MIS18A: variants seen among roughly 807,000 people sequenced by gnomAD.
MIS18A encodes MIS18 kinetochore protein A, also known as protein Mis18-alpha.
A neutral mutation model predicts 25.0 loss-of-function variants in MIS18A; 14 were observed. The observed-to-expected ratio is 0.56, with a 90% CI of 0.37 to 0.88. MIS18A has a LOEUF of 0.88. Among genes scored for constraint, MIS18A ranks in the 40% least tolerant of loss-of-function variants. MIS18A has a pLI of 0.00. For missense variants in MIS18A, 292 were observed against 290.8 expected, an observed-to-expected ratio of 1.00 and a Z score of -0.03; for synonymous variants, 134 against 118.6, an observed-to-expected ratio of 1.13 and a Z score of -0.84.
the MIS18A span, among the ~76,000 whole-genome samples, chr21:32,254,242 A>G: frequency 5.4e-5 from 8 of 149,358 alleles, no homozygotes; most frequent in East Asian, 1.2e-3. Flanking sequence ...CGACCCCAGA[A>G]AAAGTAAATT....
At chr21:32,275,660 A>G (rs1207947841) in intron 1 of MIS18A, among the ~76,000 whole-genome samples, 1 of 152,202 alleles carries the variant, frequency 6.6e-6, no homozygotes, top group Admixed American at 6.5e-5. Context: ...AAAATGGCCA[A>G]AACAGACTCT....
chr21:32,174,173 C>T, the MIS18A span, among the ~76,000 whole-genome samples: 6 of 151,840 alleles, frequency 4.0e-5, 1 homozygote, highest in South Asian at 1.0e-3. Flanking sequence ...CCATGTTGGT[C>T]GGGCTCATCT....
At chr21:32,211,099 G>A in the MIS18A span, among the ~76,000 whole-genome samples, 1 of 152,170 alleles carries the variant, frequency 6.6e-6, no homozygotes, top group African/African-American at 2.4e-5. Context: ...GGAGGGCAGT[G>A]GCGCGACATG....
the MIS18A span, among the ~76,000 whole-genome samples, chr21:32,222,642 T>C: frequency 0.017 from 2,635 of 152,162 alleles, 35 homozygotes; most frequent in Non-Finnish European, 0.023. Context: ...AGAAACTCAC[T>C]CAAAACCAGC....
At chr21:32,170,256 A>C in the MIS18A span, among the ~76,000 whole-genome samples, 1 of 152,270 alleles carries the variant, frequency 6.6e-6, no homozygotes, top group East Asian at 1.9e-4. Context: ...ACATGGAATC[A>C]ACCTAGGTGC....
Position 32,278,997 on chromosome 21 carries a change from T to A in MIS18A, c.18A>T (p.Ser6=), listed in dbSNP as rs776884417. Reference sequence around the variant, plus strand: ...CAGCGCATCCTCTGCTACACCTCAGTGACCGAACGCCTGCCATTACCTACA... The same window carrying A: ...CAGCGCATCCTCTGCTACACCTCAGAGACCGAACGCCTGCCATTACCTACA... MAGVR[S]LRCSRGCAGG... is the part of the protein sequence containing the mutation. The change falls in exon 1 of 5, where the codon TCA becomes TCT. Residue 6 remains serine, a synonymous_variant. Transcript: ENST00000290130. The A allele has an allele frequency of 6.2e-7, 1 of 1,601,306 alleles. No homozygotes were observed. The highest frequency in any genetic ancestry group is 1.1e-5 in the South Asian group (1 of 90,926).
At chr21:32,190,607 A>G in the MIS18A span, among the ~76,000 whole-genome samples, 3 of 152,192 alleles carry the variant, frequency 2.0e-5, no homozygotes, top group Non-Finnish European at 4.4e-5. Context: ...TAATTTTCTA[A>G]GCTTCCATAG....
the MIS18A span, chr21:32,197,804 C>T: frequency 6.6e-6 from 1 of 152,190 alleles, no homozygotes; most frequent in Non-Finnish European, 1.5e-5. Flanking sequence ...ATTCCAGACA[C>T]AGAGCTGTTT....
the MIS18A span, among the ~76,000 whole-genome samples, chr21:32,238,902 T>C: frequency 6.6e-6 from 1 of 152,120 alleles, no homozygotes; most frequent in Admixed American, 6.5e-5. Context: ...TGTCAAAGTG[T>C]CTAAATAATC....
chr21:32,201,374 A>G, the MIS18A span, among the ~76,000 whole-genome samples: 2 of 152,116 alleles, frequency 1.3e-5, no homozygotes, highest in Non-Finnish European at 2.9e-5. Context: ...TGGAATCCTT[A>G]TATTCGTCCC....
At chr21:32,233,164 G>A in the MIS18A span, among the ~76,000 whole-genome samples, 1 of 152,186 alleles carries the variant, frequency 6.6e-6, no homozygotes, top group Admixed American at 6.5e-5. Context: ...TCTGAATAAA[G>A]GCATGAGTCA....
the MIS18A span, among the ~76,000 whole-genome samples, chr21:32,166,272 T>C: frequency 6.6e-6 from 1 of 152,210 alleles, no homozygotes; most frequent in African/African-American, 2.4e-5. Flanking sequence ...CAGGAGGTCA[T>C]GGAATCTCAG....
the MIS18A span, among the ~76,000 whole-genome samples, chr21:32,245,195 C>G: frequency 6.6e-6 from 1 of 152,202 alleles, no homozygotes; most frequent in Non-Finnish European, 1.5e-5. Flanking sequence ...TTATGGTAGG[C>G]AGGACCCTAC....
At chr21:32,276,862 G>A (rs1261814579) in intron 1 of MIS18A, among the ~76,000 whole-genome samples, 1 of 151,984 alleles carries the variant, frequency 6.6e-6, no homozygotes, top group Non-Finnish European at 1.5e-5. Context: ...AGGCGTTCAA[G>A]GTTACATACA....
chr21:32,263,928 T>C (rs1247994841), downstream of MIS18A, among the ~76,000 whole-genome samples: 3 of 151,922 alleles, frequency 2.0e-5, no homozygotes, highest in Non-Finnish European at 2.9e-5. Flanking sequence ...AATTTCATAA[T>C]TGGCTCTCCC....
chr21:32,263,318 G>A (rs950459944), downstream of MIS18A, among the ~76,000 whole-genome samples: 3 of 152,206 alleles, frequency 2.0e-5, no homozygotes, highest in African/African-American at 7.2e-5. Context: ...GAATGAGACT[G>A]GACACAGTGG....
the MIS18A span, among the ~76,000 whole-genome samples, chr21:32,220,819 A>G: frequency 6.6e-6 from 1 of 152,016 alleles, no homozygotes; most frequent in Non-Finnish European, 1.5e-5. Flanking sequence ...ACAGCACAAG[A>G]ACTTTGTGAA....
At chr21:32,235,301 C>T in the MIS18A span, among the ~76,000 whole-genome samples, 14 of 152,166 alleles carry the variant, frequency 9.2e-5, no homozygotes, top group Non-Finnish European at 1.6e-4. Context: ...CCTCTTGCCT[C>T]GAAGTGGGTA....
the MIS18A span, among the ~76,000 whole-genome samples, chr21:32,205,097 C>CTTTTTT: frequency 2.7e-4 from 18 of 66,214 alleles, no homozygotes; most frequent in Non-Finnish European, 3.5e-4. Context: ...AGAACTTGTC[C>CTTTTTT]TTTTTTTTTT....
Sources: gnomAD v4.1 joint callset for allele counts (sites outside exome capture counted in the v4.1 genomes callset) on GRCh38, gnomAD v4.1.1 for gene constraint, MANE v1.5 for transcripts, NCBI Gene and HGNC (gene_info 2026-07-23, HGNC 2026-07-21) for gene names.